OLFM3: variants seen among roughly 807,000 people sequenced by gnomAD.
OLFM3 encodes noelin-3.
OLFM3 carries 20 observed loss-of-function variants against 48.6 expected under a neutral mutation model. The observed-to-expected ratio is 0.41, with a 90% CI of 0.29 to 0.60. The LOEUF is 0.60. Among genes scored for constraint, OLFM3 ranks in the 20% least tolerant of loss-of-function variants. OLFM3 has a pLI of 0.28. For missense variants in OLFM3, 437 were observed against 544.3 expected, an observed-to-expected ratio of 0.80 and a Z score of 1.96; for synonymous variants, 222 against 198.1, an observed-to-expected ratio of 1.12 and a Z score of -1.01.
chr1:101,927,635 T>C (rs1332312157), intron 1 of OLFM3, among the ~76,000 whole-genome samples: 1 of 151,650 alleles, frequency 6.6e-6, no homozygotes, highest in African/African-American at 2.4e-5. Flanking sequence ...TACTATCACT[T>C]AGTCATTATG....
intron 1 of OLFM3, among the ~76,000 whole-genome samples, chr1:101,868,343 T>G (rs926558728): frequency 6.6e-6 from 1 of 152,164 alleles, no homozygotes; most frequent in South Asian, 2.1e-4. Context: ...GATAGTGATA[T>G]GAACAATGAA....
intron 1 of OLFM3, among the ~76,000 whole-genome samples, chr1:101,922,067 A>C (rs1463751617): frequency 6.6e-6 from 1 of 152,098 alleles, no homozygotes; most frequent in Admixed American, 6.5e-5. Context: ...TCAAAAAAAA[A>C]AGGGAACCTG....
chr1:101,824,977 T>A, intron 4 of OLFM3, 49 bp downstream of exon 4: 1 of 1,512,660 alleles, frequency 6.6e-7, no homozygotes, highest in South Asian at 1.1e-5. Context: ...CAATTTTCTT[T>A]GAAACTATAT....
intron 4 of OLFM3, among the ~76,000 whole-genome samples, chr1:101,817,877 T>C (rs1654411841): frequency 6.6e-6 from 1 of 152,000 alleles, no homozygotes. Flanking sequence ...AAAATAAATT[T>C]ATATTATTTA....
intron 1 of OLFM3, among the ~76,000 whole-genome samples, chr1:101,971,405 T>C (rs1007919681): frequency 2.0e-5 from 3 of 152,204 alleles, no homozygotes; most frequent in Admixed American, 6.5e-5. Flanking sequence ...GCAATTTACA[T>C]AGAAAATTTT....
At chr1:101,934,610 G>T (rs1349379285) in intron 1 of OLFM3, among the ~76,000 whole-genome samples, 2 of 151,964 alleles carry the variant, frequency 1.3e-5, no homozygotes, top group Admixed American at 1.3e-4. Flanking sequence ...CTTGACACTT[G>T]ACCAAATAGG....
intron 1 of OLFM3, among the ~76,000 whole-genome samples, chr1:101,869,283 G>C (rs1458195072): frequency 6.6e-6 from 1 of 152,166 alleles, no homozygotes; most frequent in Non-Finnish European, 1.5e-5. Context: ...GCTACCCAAG[G>C]CTCTGGGAGC....
intron 1 of OLFM3, among the ~76,000 whole-genome samples, chr1:101,922,055 T>A (rs566694037): frequency 6.6e-6 from 1 of 150,618 alleles, no homozygotes; most frequent in Admixed American, 6.6e-5. Flanking sequence ...CGAGACTCCA[T>A]CTCAAAAAAA....
At chr1:101,980,052 A>G (rs549860603) in intron 1 of OLFM3, among the ~76,000 whole-genome samples, 81 of 152,234 alleles carry the variant, frequency 5.3e-4, no homozygotes, top group African/African-American at 1.9e-3. Context: ...CTGTAGGCCC[A>G]TTGTTTGGGC....
intron 4 of OLFM3, among the ~76,000 whole-genome samples, chr1:101,815,070 T>C (rs1230899395): frequency 6.6e-6 from 1 of 152,176 alleles, no homozygotes; most frequent in Admixed American, 6.5e-5. Context: ...TCGAAAGTCA[T>C]TGGATTATTT....
At chr1:101,991,258 G>A (rs1316314622) in intron 1 of OLFM3, among the ~76,000 whole-genome samples, 3 of 151,750 alleles carry the variant, frequency 2.0e-5, no homozygotes, top group African/African-American at 7.3e-5. Flanking sequence ...TAATCCCAGT[G>A]ATTCACTGTA....
chr1:101,913,339 A>T (rs1350780361), intron 1 of OLFM3, among the ~76,000 whole-genome samples: 1 of 152,206 alleles, frequency 6.6e-6, no homozygotes, highest in East Asian at 1.9e-4. Flanking sequence ...GAACGCCCTC[A>T]ACAGACAAGA....
At position 101,841,257 on chromosome 1, in the gene OLFM3, T is replaced by C. The variant is rs1206957113; in HGVS notation, c.70-4232A>G. 2.0e-5 allele frequency among the ~76,000 whole-genome samples: 3 copies of C among 152,202 alleles called. No individual in the cohort carries two copies. In the South Asian group the frequency reaches 6.2e-4, roughly 32 times the overall value. On this transcript the variant is annotated intron_variant, in intron 1 of 5. Transcript: ENST00000370103. ...ATCCCTGCTATTGTTTTAGTCTCAC[T>C]TTTCTTGAACGAACTATCCTTAGAA... is the stretch of plus-strand genomic sequence containing the variant.
At chr1:101,993,666 A>G (rs1395714458) in intron 1 of OLFM3, among the ~76,000 whole-genome samples, 1 of 152,122 alleles carries the variant, frequency 6.6e-6, no homozygotes, top group East Asian at 1.9e-4. Flanking sequence ...AATTTCCTAA[A>G]AGAAAAATTG....
At chr1:101,958,835 TTA>T (rs10571792) in intron 1 of OLFM3, among the ~76,000 whole-genome samples, 15,904 of 146,258 alleles carry the variant, frequency 0.11, 891 homozygotes, top group Admixed American at 0.14. Flanking sequence ...CAAAGTGATA[TTA>T]TATATATATA....
chr1:101,830,696 C>A lies in OLFM3; in HGVS notation c.348G>T (p.Lys116Asn), dbSNP rs376589423. 6.2e-7 allele frequency: 1 copy of A among 1,614,166 alleles called. No individual in the cohort carries two copies. The highest frequency in any genetic ancestry group is 2.2e-5 in the East Asian group (1 of 44,872). The change falls in exon 3 of 6, where the codon AAG becomes AAT. Residue 116 changes from lysine to asparagine, a missense_variant. Around this residue, in one of 3 missense-constraint regions of OLFM3, gnomAD observed 314 missense variants for 365.5 expected, o/e 0.86. Coordinates refer to ENST00000370103, the MANE Select transcript of OLFM3 (RefSeq NM_058170.4). ...CCTGAAAATGCTTGGTCATAAGTGTCTTTCGATCATCTTCAATCTGCCGAA... is the reference window on the plus strand; with the variant it reads ...CCTGAAAATGCTTGGTCATAAGTGTATTTCGATCATCTTCAATCTGCCGAA... ...AKFRQIEDDR[K>N]TLMTKHFQEL... is the part of the protein sequence containing the mutation.
intron 1 of OLFM3, among the ~76,000 whole-genome samples, chr1:101,957,366 A>G (rs1660329893): frequency 6.6e-6 from 1 of 152,006 alleles, no homozygotes; most frequent in Non-Finnish European, 1.5e-5. Context: ...CTTTTTAATT[A>G]TCCACCTTTA....
At chr1:101,963,729 TG>T (rs1660530933) in intron 1 of OLFM3, among the ~76,000 whole-genome samples, 1 of 152,148 alleles carries the variant, frequency 6.6e-6, no homozygotes, top group Non-Finnish European at 1.5e-5. Context: ...CCAAAAGAGC[TG>T]GGGGGACATT....
chr1:101,938,119 C>A (rs2182763), intron 1 of OLFM3, among the ~76,000 whole-genome samples: 47,733 of 151,890 alleles, frequency 0.31, 8,222 homozygotes, highest in Middle Eastern at 0.48. Context: ...AACTTATTAA[C>A]AAATTACTTC....
Sources: gnomAD v4.1 joint callset for allele counts (sites outside exome capture counted in the v4.1 genomes callset) on GRCh38, gnomAD v4.1.1 for gene constraint, gnomAD v4.1.1 regional missense constraint, MANE v1.5 for transcripts, NCBI Gene and HGNC (gene_info 2026-07-23, HGNC 2026-07-21) for gene names.